FMNL2: variants seen among roughly 807,000 people sequenced by gnomAD.
FMNL2 encodes the protein formin-like protein 2.
Under a neutral mutation model 130.2 loss-of-function variants are expected in FMNL2, and 51 were observed. The ratio of observed to expected loss-of-function variants is 0.39; its 90% confidence interval spans 0.31 to 0.49. FMNL2 has a LOEUF of 0.49. Among genes scored for constraint, FMNL2 ranks in the 20% least tolerant of loss-of-function variants. FMNL2 has a pLI of 0.85. For synonymous variants in FMNL2, 465 were observed against 467.1 expected (o/e 1.00, Z 0.06); for missense variants, 977 against 1,316.2 (o/e 0.74, Z 3.99).
At chr2:152,573,322 G>A (rs1696286968) in intron 6 of FMNL2, among the ~76,000 whole-genome samples, 1 of 152,136 alleles carries the variant, frequency 6.6e-6, no homozygotes, top group Admixed American at 6.5e-5. Context: ...CAGGATGACA[G>A]GATGTGAACA....
intron 1 of FMNL2, chr2:152,390,357 G>A (rs986059175): frequency 4.6e-6 from 5 of 1,098,646 alleles, no homozygotes; most frequent in African/African-American, 1.5e-5. Context: ...GGATGGCAAG[G>A]TGGTGACTGT....
At chr2:152,592,888 A>G (rs1216234567) in intron 9 of FMNL2, among the ~76,000 whole-genome samples, 1 of 152,190 alleles carries the variant, frequency 6.6e-6, no homozygotes, top group African/African-American at 2.4e-5. Context: ...TCCACCGAAA[A>G]GCAAACCTAA....
chr2:152,619,623 C>T lies in FMNL2; in HGVS notation c.1742C>T (p.Thr581Ile), dbSNP rs1460929551. 7 of 1,490,538 alleles carry T rather than the reference C, an allele frequency of 4.7e-6. No homozygotes were observed. The highest frequency in any genetic ancestry group is 6.3e-6 in the Non-Finnish European group (7 of 1,105,892). The allele number at this position is 1,490,538 out of a possible 1,614,324, so 92.3% of individuals were successfully genotyped here. Residue 581 changes from threonine to isoleucine, a missense_variant, in exon 15 of 26, where the codon ACT (threonine) becomes ATT (isoleucine). By Grantham distance (89) the Thr-to-Ile change is moderately conservative. Around this residue, in one of 4 missense-constraint regions of FMNL2, gnomAD observed 689 missense variants for 995.9 expected, o/e 0.69. Coordinates refer to ENST00000288670, the MANE Select transcript of FMNL2 (RefSeq NM_052905.4). ...CCTCTCCCAGGCCCTGCAGCTGAGA[C>T]TGTACCAGCTCCTCCCTTAGCACCT... is the stretch of plus-strand genomic sequence containing the variant. The part of the protein sequence containing the change: ...PPPLPGPAAE[T>I]VPAPPLAPPL...
chr2:152,582,118 A>G (rs1696822460), intron 9 of FMNL2, among the ~76,000 whole-genome samples: 1 of 152,238 alleles, frequency 6.6e-6, no homozygotes, highest in Non-Finnish European at 1.5e-5. Flanking sequence ...CTGTGGTCAC[A>G]TAGCTAGATA....
Position 152,647,939 on chromosome 2 carries a change from C to T in FMNL2, c.*34C>T, listed in dbSNP as rs771272626. On this transcript the variant is annotated 3_prime_UTR_variant, in exon 26 of 26. Coordinates refer to ENST00000288670, the MANE Select transcript of FMNL2 (RefSeq NM_052905.4). ...CTGGCCTGCATGAATACAGGGTGTG[C>T]GTGAATGAAACTGCCCACATGAACT... 65 of 1,540,788 alleles carry T rather than the reference C, an allele frequency of 4.2e-5. No individual in the cohort carries two copies. Among genetic ancestry groups the T allele is most frequent in the Non-Finnish European group, 5.0e-5 (56 of 1,130,628 alleles).
chr2:152,365,820 G>T (rs1683494753), intron 1 of FMNL2, among the ~76,000 whole-genome samples: 1 of 152,114 alleles, frequency 6.6e-6, no homozygotes, highest in Non-Finnish European at 1.5e-5. Context: ...CAGCAGCTAT[G>T]AGAATAGATA....
At chr2:152,569,102 C>G (rs539456675) in intron 6 of FMNL2, among the ~76,000 whole-genome samples, 5 of 109,818 alleles carry the variant, frequency 4.6e-5, no homozygotes, top group African/African-American at 1.2e-4. Flanking sequence ...CTTCCCCCCC[C>G]GCCCCAATCT....
intron 1 of FMNL2, among the ~76,000 whole-genome samples, chr2:152,418,001 A>G (rs183360410): frequency 9.7e-4 from 148 of 152,130 alleles, no homozygotes; most frequent in African/African-American, 3.4e-3. Flanking sequence ...GCTTGCCACC[A>G]TGCCTGGCTA....
chr2:152,485,787 A>G (rs1470284526), intron 1 of FMNL2, among the ~76,000 whole-genome samples: 3 of 152,202 alleles, frequency 2.0e-5, no homozygotes, highest in African/African-American at 4.8e-5. Flanking sequence ...TCGCCTAGCA[A>G]TTGTAGCAGA....
At chr2:152,338,123 A>T (rs559153933) in intron 1 of FMNL2, among the ~76,000 whole-genome samples, 2 of 151,854 alleles carry the variant, frequency 1.3e-5, no homozygotes, top group East Asian at 3.9e-4. Flanking sequence ...TGTGGACATC[A>T]ATCTTGAAGG....
At chr2:152,579,471 G>T (rs557309480) in intron 8 of FMNL2, among the ~76,000 whole-genome samples, 60 of 152,310 alleles carry the variant, frequency 3.9e-4, no homozygotes, top group African/African-American at 1.4e-3. Context: ...GCCGAGGCAG[G>T]CAGATCACCT....
chr2:152,499,099 C>A (rs1691670710), intron 1 of FMNL2, among the ~76,000 whole-genome samples: 1 of 152,194 alleles, frequency 6.6e-6, no homozygotes. Flanking sequence ...AAGAGCTTTT[C>A]TTCTCCGGGA....
chr2:152,616,320 T>A (rs1451827572), intron 12 of FMNL2, among the ~76,000 whole-genome samples: 6 of 146,856 alleles, frequency 4.1e-5, no homozygotes, highest in African/African-American at 1.3e-4. Context: ...TATTATTATT[T>A]TTGTGGGTTT....
At chr2:152,344,885 G>A (rs528308104) in intron 1 of FMNL2, among the ~76,000 whole-genome samples, 1 of 152,270 alleles carries the variant, frequency 6.6e-6, no homozygotes, top group East Asian at 1.9e-4. Context: ...AAGGCAAATT[G>A]GCATGCTTAT....
intron 6 of FMNL2, among the ~76,000 whole-genome samples, chr2:152,570,980 G>A (rs1479185634): frequency 6.6e-6 from 1 of 152,186 alleles, no homozygotes; most frequent in Non-Finnish European, 1.5e-5. Context: ...CATCTATTCA[G>A]GAAAAGGGAC....
chr2:152,423,272 A>G (rs1434403414), intron 1 of FMNL2, among the ~76,000 whole-genome samples: 1 of 152,228 alleles, frequency 6.6e-6, no homozygotes. Context: ...AGATTAACTC[A>G]TTGAATTCGT....
At position 152,510,436 on chromosome 2, in the gene FMNL2, T is replaced by C. The variant is rs1410404905; in HGVS notation, c.118-11507T>C. ...GTGATTGGTGGTCCCCTCAAAAAGA[T>C]CTTGATGTTGTTGAGTTGCTCTTAT... On this transcript the variant is annotated intron_variant, in intron 1 of 25. Transcript: ENST00000288670. Among the ~76,000 whole-genome samples the C allele has an allele frequency of 5.3e-5, 8 of 152,248 alleles. No individual in the cohort carries two copies. In the South Asian group the frequency reaches 1.7e-3, roughly 32 times the overall value.
chr2:152,564,775 G>GGTTTTTTTT (rs772744579), intron 6 of FMNL2, among the ~76,000 whole-genome samples: 1 of 9,814 alleles, frequency 1.0e-4, no homozygotes, highest in Non-Finnish European at 2.8e-4. Context: ...ATACAAGGTT[G>GGTTTTTTTT]GTTTTTTTTT....
chr2:152,499,228 C>T (rs1282831606), intron 1 of FMNL2, among the ~76,000 whole-genome samples: 1 of 152,164 alleles, frequency 6.6e-6, no homozygotes, highest in Non-Finnish European at 1.5e-5. Context: ...TTAAGCTCAT[C>T]CAACTTCACA....
Sources: gnomAD v4.1 joint callset for allele counts (sites outside exome capture counted in the v4.1 genomes callset) on GRCh38, gnomAD v4.1.1 for gene constraint, gnomAD v4.1.1 regional missense constraint, MANE v1.5 for transcripts, NCBI Gene and HGNC (gene_info 2026-07-23, HGNC 2026-07-21) for gene names.